Variants in KALRN observed in about 807,000 individuals in gnomAD.
KALRN encodes the protein kalirin.
KALRN carries 70 observed loss-of-function variants against 353.7 expected under a neutral mutation model. The observed-to-expected ratio is 0.20, with a 90% CI of 0.16 to 0.24. The LOEUF (loss-of-function observed/expected upper bound fraction) is 0.24. KALRN is among the 10% of genes least tolerant of loss of function. The pLI is 1.00. For missense variants in KALRN, 2,791 were observed against 3,756.7 expected, an observed-to-expected ratio of 0.74 and a Z score of 6.72; for synonymous variants, 1,391 against 1,434.8, an observed-to-expected ratio of 0.97 and a Z score of 0.69.
At chr3:124,664,377 G>GCA (rs1484264480) in intron 45 of KALRN, among the ~76,000 whole-genome samples, 3 of 150,532 alleles carry the variant, frequency 2.0e-5, no homozygotes, top group African/African-American at 4.9e-5. Flanking sequence ...GTGTGCGCGC[G>GCA]CGCGCATATA....
At chr3:124,475,305 T>C (rs1188360300) in intron 26 of KALRN, among the ~76,000 whole-genome samples, 1 of 152,212 alleles carries the variant, frequency 6.6e-6, no homozygotes, top group Admixed American at 6.5e-5. Context: ...ACCCACAAGA[T>C]GAGTGACTGT....
In KALRN at chr3:124,446,838, A is replaced by T; in HGVS notation, c.3505A>T (p.Thr1169Ser). ...HTSTGETTEE[T>S]QELLKEYGEF... ...CTCCACTGGAGAGACCACAGAGGAG[A>T]CTCAGGAACTGCTGAAAGAATATGG... The change falls in exon 21 of 60, where the codon ACT becomes TCT. Residue 1169 changes from threonine (T) to serine (S), a missense_variant. Physicochemically the swap from Thr to Ser is moderately conservative, Grantham distance 58 (BLOSUM62 1). Transcript: ENST00000682506. The T allele has an allele frequency of 2.5e-6, 4 of 1,613,990 alleles. No homozygotes were observed. The highest frequency in any genetic ancestry group is 3.4e-6 in the Non-Finnish European group (4 of 1,179,936).
intron 34 of KALRN, among the ~76,000 whole-genome samples, chr3:124,628,165 C>CT (rs2080212118): frequency 1.8e-5 from 1 of 54,566 alleles, no homozygotes; most frequent in African/African-American, 1.4e-4. Flanking sequence ...CCCTCCCTTC[C>CT]TTCCTTCCCT....
chr3:124,201,648 C>A (rs1247901562), intron 1 of KALRN, among the ~76,000 whole-genome samples: 1 of 152,166 alleles, frequency 6.6e-6, no homozygotes, highest in African/African-American at 2.4e-5. Flanking sequence ...TGGATGTGAT[C>A]TCCATCCTCC....
intron 13 of KALRN, chr3:124,407,667 A>G (rs1400149436): frequency 1.3e-5 from 2 of 152,234 alleles, no homozygotes; most frequent in Non-Finnish European, 2.9e-5. Context: ...AAAATTACTA[A>G]ACTCTTTAAA....
At chr3:124,674,173 A>C (rs1227269186) in intron 48 of KALRN, among the ~76,000 whole-genome samples, 191 bp from the exon 49 acceptor site, 2 of 152,124 alleles carry the variant, frequency 1.3e-5, no homozygotes, top group African/African-American at 4.8e-5. Flanking sequence ...TATTGTTGAA[A>C]CATTGCTATT....
chr3:124,046,057 T>G (rs570270097), intron 1 of KALRN, among the ~76,000 whole-genome samples: 6 of 152,364 alleles, frequency 3.9e-5, no homozygotes, highest in South Asian at 2.1e-4. Flanking sequence ...GGTGTATGTT[T>G]CTTTTGTGAA....
chr3:124,466,733 T>C (rs969157453), intron 25 of KALRN, among the ~76,000 whole-genome samples: 3 of 152,260 alleles, frequency 2.0e-5, no homozygotes, highest in African/African-American at 7.2e-5. Context: ...ACTTGCCCAG[T>C]GTGCGCCCCT....
chr3:124,126,972 G>A (rs1560021739), intron 1 of KALRN, among the ~76,000 whole-genome samples: 1 of 152,200 alleles, frequency 6.6e-6, no homozygotes, highest in Non-Finnish European at 1.5e-5. Context: ...TGAAATGAAA[G>A]AAGGTGCTGT....
At chr3:124,524,734 C>T (rs1176722641) in intron 33 of KALRN, among the ~76,000 whole-genome samples, 1 of 152,186 alleles carries the variant, frequency 6.6e-6, no homozygotes, top group African/African-American at 2.4e-5. Flanking sequence ...TACACAAATA[C>T]ATATGCACAG....
chr3:124,490,679 A>G lies in KALRN; in HGVS notation c.4397-15A>G, dbSNP rs201241829. On this transcript the variant is annotated splice_polypyrimidine_tract_variant and intron_variant, in intron 29 of 59. Coordinates refer to ENST00000682506, the MANE Select transcript of KALRN (RefSeq NM_001388419.1). ...AGTAGAGAAACTCCACAGGGTGGAA[A>G]TGGATGTTTTTCAGGGTTCGACGAG... 3.3e-4 allele frequency: 533 copies of G among 1,610,278 alleles called. 1 individual carries two copies. Among genetic ancestry groups the G allele is most frequent in the Middle Eastern group, 1.3e-3 (6 of 4,666 alleles).
intron 1 of KALRN, among the ~76,000 whole-genome samples, chr3:124,046,829 G>T (rs982554538): frequency 6.6e-6 from 1 of 151,946 alleles, no homozygotes; most frequent in Non-Finnish European, 1.5e-5. Flanking sequence ...CTTTGGATTT[G>T]TCTGTATTCT....
intron 2 of KALRN, among the ~76,000 whole-genome samples, chr3:124,229,113 A>G (rs1216581276): frequency 1.3e-5 from 2 of 152,204 alleles, no homozygotes; most frequent in East Asian, 1.9e-4. Flanking sequence ...CTATTATTCA[A>G]CCTACTACAG....
intron 1 of KALRN, among the ~76,000 whole-genome samples, chr3:124,203,774 C>T (rs1309021173): frequency 6.6e-6 from 1 of 152,134 alleles, no homozygotes; most frequent in Non-Finnish European, 1.5e-5. Flanking sequence ...AAGTAATTGC[C>T]CTCCAAAGGT....
chr3:124,553,818 C>G (rs530139855), intron 33 of KALRN, among the ~76,000 whole-genome samples: 10 of 152,374 alleles, frequency 6.6e-5, no homozygotes, highest in African/African-American at 2.4e-4. Context: ...TTACCTCCAG[C>G]CTGAGGGTCA....
chr3:124,349,856 G>T (rs2082669533), intron 10 of KALRN, among the ~76,000 whole-genome samples: 1 of 152,130 alleles, frequency 6.6e-6, no homozygotes, highest in African/African-American at 2.4e-5. Context: ...TCTGGTCCTG[G>T]GTCATTCCTT....
intron 1 of KALRN, among the ~76,000 whole-genome samples, chr3:124,133,416 C>T (rs992670049): frequency 9.2e-5 from 14 of 152,308 alleles, no homozygotes; most frequent in Non-Finnish European, 7.4e-5. Context: ...GAACGACAGT[C>T]GAGGCTGTTT....
intron 1 of KALRN, among the ~76,000 whole-genome samples, chr3:124,201,080 C>T (rs548574633): frequency 2.6e-5 from 4 of 152,190 alleles, no homozygotes; most frequent in Non-Finnish European, 5.9e-5. Flanking sequence ...ATTTGCTTTT[C>T]ACCCTCCTTC....
intron 1 of KALRN, chr3:124,163,758 A>G (rs1013158350): frequency 1.0e-5 from 10 of 985,314 alleles, no homozygotes; most frequent in Non-Finnish European, 1.1e-5. Flanking sequence ...CTCTGAGCCA[A>G]CTTCCAAGTT....
Sources: allele counts gnomAD v4.1 joint callset (sites outside exome capture counted in the v4.1 genomes callset), GRCh38; gene constraint gnomAD v4.1.1; transcripts MANE v1.5; gene names NCBI Gene and HGNC (gene_info 2026-07-23, HGNC 2026-07-21).